Variants in ITPKB observed in about 807,000 individuals in gnomAD.
ITPKB encodes IP3 3-kinase B.
In ITPKB, 13 loss-of-function variants were observed where a neutral mutation model predicts 69.4. The ratio of observed to expected loss-of-function variants is 0.19; its 90% CI spans 0.12 to 0.30. The LOEUF (loss-of-function observed/expected upper bound fraction) is 0.30, where lower values mean the gene tolerates loss of function less well. Ranked by LOEUF, ITPKB falls within the 10% of genes least tolerant of loss-of-function variation. The pLI, the probability that ITPKB is intolerant of heterozygous loss-of-function variation, is 1.00. For missense variants in ITPKB, 1,240 were observed against 1,250.5 expected (o/e 0.99, Z 0.13); for synonymous variants, 584 against 513.7 (o/e 1.14, Z -1.85).
At chr1:226,636,755 T>TGTGA (rs1668846864) in intron 7 of ITPKB, among the ~76,000 whole-genome samples, 1 of 70,272 alleles carries the variant, frequency 1.4e-5, no homozygotes, top group South Asian at 8.6e-4. Flanking sequence ...TGCAGCTCTG[T>TGTGA]GTGTGTGTGT....
chr1:226,679,618 G>A (rs889360619), intron 2 of ITPKB, among the ~76,000 whole-genome samples: 1 of 152,166 alleles, frequency 6.6e-6, no homozygotes, highest in African/African-American at 2.4e-5. Flanking sequence ...GACGATAAAA[G>A]AAGGTTTTCC....
intron 2 of ITPKB, among the ~76,000 whole-genome samples, chr1:226,733,588 A>C (rs538456606): frequency 2.8e-4 from 42 of 151,692 alleles, no homozygotes; most frequent in South Asian, 1.3e-3. Context: ...ACACACACAC[A>C]CCCACCCCAC....
At chr1:226,675,569 T>A (rs1224375680) in intron 2 of ITPKB, among the ~76,000 whole-genome samples, 1 of 152,100 alleles carries the variant, frequency 6.6e-6, no homozygotes, top group Non-Finnish European at 1.5e-5. Flanking sequence ...CTGGGCCCAG[T>A]GAGGGTCAGA....
At chr1:226,705,529 CAAAA>C (rs11290798) in intron 2 of ITPKB, among the ~76,000 whole-genome samples, 1 of 120,518 alleles carries the variant, frequency 8.3e-6, no homozygotes, top group Non-Finnish European at 1.8e-5. Context: ...AACGCCATCT[CAAAA>C]AAAAAAAAAA....
intron 4 of ITPKB, among the ~76,000 whole-genome samples, chr1:226,645,617 G>A (rs545408731): frequency 1.3e-5 from 2 of 152,290 alleles, no homozygotes; most frequent in African/African-American, 4.8e-5. Context: ...GGTCACCTGC[G>A]AAGTCCTGCT....
intron 2 of ITPKB, among the ~76,000 whole-genome samples, chr1:226,658,728 T>A (rs1669345010): frequency 6.6e-6 from 1 of 152,144 alleles, no homozygotes; most frequent in African/African-American, 2.4e-5. Context: ...GGCACGAGGT[T>A]CTTCTCCCCC....
intron 2 of ITPKB, among the ~76,000 whole-genome samples, chr1:226,656,235 G>C (rs1389964552): frequency 1.3e-5 from 2 of 152,154 alleles, no homozygotes; most frequent in African/African-American, 4.8e-5. Flanking sequence ...GTTTACCCTG[G>C]TGGGCGCTCA....
intron 2 of ITPKB, among the ~76,000 whole-genome samples, chr1:226,703,633 C>T (rs1396534173): frequency 2.0e-5 from 3 of 152,228 alleles, no homozygotes; most frequent in African/African-American, 7.2e-5. Context: ...GGCGGCCGCC[C>T]CTGTCGCCTT....
Position 226,738,807 on chromosome 1 carries a change from G to T in ITPKB, c.-206+234C>A, listed in dbSNP as rs1374234690. On this transcript the variant is annotated intron_variant, in intron 1 of 7. Coordinates refer to ENST00000429204, the MANE Select transcript of ITPKB (RefSeq NM_002221.4). This position sits in a 1 kb window ranked among gnomAD's most constrained non-coding sequence, Gnocchi z 4.2. Reference sequence around the variant, plus strand: ...TGGAGCGCGCTGAGGGAGGCGGCGCGGAGTGAGCGGCCCGGAAGGCGGGTA... The same window carrying T: ...TGGAGCGCGCTGAGGGAGGCGGCGCTGAGTGAGCGGCCCGGAAGGCGGGTA... Among the ~76,000 whole-genome samples, 1 of 152,184 alleles carries T rather than the reference G, an allele frequency of 6.6e-6. No individual in the cohort carries two copies. The highest frequency in any genetic ancestry group is 1.5e-5 in the Non-Finnish European group (1 of 68,018).
chr1:226,671,150 C>T (rs543728858), intron 2 of ITPKB, among the ~76,000 whole-genome samples: 200 of 152,298 alleles, frequency 1.3e-3, no homozygotes, highest in African/African-American at 4.7e-3. Context: ...TTGACTGCTC[C>T]GTGAAGACCC....
intron 2 of ITPKB, among the ~76,000 whole-genome samples, chr1:226,703,606 C>T (rs975873565): frequency 1.3e-5 from 2 of 152,202 alleles, no homozygotes; most frequent in African/African-American, 4.8e-5. Flanking sequence ...GCGGCGGTGC[C>T]GGTCACGTGA....
rs578261335 is a variant in ITPKB, at chr1:226,645,605, G to A, written c.2246+1562C>T. Among the ~76,000 whole-genome samples, 4 of 152,318 alleles carry A rather than the reference G, an allele frequency of 2.6e-5. No individual in the cohort carries two copies. In the South Asian group the frequency reaches 6.2e-4, roughly 24 times the overall value. ...GGACACCACTTGGATTATTCTCCAT[G>A]TGGTCACCTGCGAAGTCCTGCTGCT... is the stretch of plus-strand genomic sequence containing the variant. On this transcript the variant is annotated intron_variant, in intron 4 of 7. Coordinates refer to ENST00000429204, the MANE Select transcript of ITPKB (RefSeq NM_002221.4).
chr1:226,730,300 G>T (rs1048726440), intron 2 of ITPKB, among the ~76,000 whole-genome samples: 1 of 152,168 alleles, frequency 6.6e-6, no homozygotes, highest in Non-Finnish European at 1.5e-5. Flanking sequence ...CACAGGAAGG[G>T]CAACCATCTT....
At chr1:226,693,135 C>T (rs1296936442) in intron 2 of ITPKB, among the ~76,000 whole-genome samples, 1 of 152,226 alleles carries the variant, frequency 6.6e-6, no homozygotes, top group African/African-American at 2.4e-5. Context: ...ATTACAAGAG[C>T]CACTTCTGGT....
intron 2 of ITPKB, among the ~76,000 whole-genome samples, chr1:226,655,807 A>G (rs940865870): frequency 6.6e-6 from 1 of 152,120 alleles, no homozygotes; most frequent in East Asian, 1.9e-4. Context: ...TCTCAGTGCA[A>G]TTTGGGGTGG....
rs2102734172 is a variant in ITPKB, at chr1:226,632,982, G to T, written c.*1689C>A. Reference sequence around the variant, plus strand: ...ACGCCCCCGTCCTGCCTGCCTTCCAGATCACATGCTGCCACGAGGTCTCTC... The same window carrying T: ...ACGCCCCCGTCCTGCCTGCCTTCCATATCACATGCTGCCACGAGGTCTCTC... On this transcript the variant is annotated 3_prime_UTR_variant, in exon 8 of 8. Transcript: ENST00000429204. 1 of 152,368 alleles carries T rather than the reference G, an allele frequency of 6.6e-6. No homozygotes were observed. The highest frequency in any genetic ancestry group is 1.9e-4 in the East Asian group (1 of 5,180). 9.4% of individuals were successfully genotyped at this position (152,368 alleles called of 1,614,324 possible).
intron 2 of ITPKB, among the ~76,000 whole-genome samples, chr1:226,697,069 T>C (rs1656506992): frequency 1.3e-5 from 2 of 152,186 alleles, no homozygotes; most frequent in Non-Finnish European, 2.9e-5. Flanking sequence ...TCATGTTAAT[T>C]TGGAGGTATT....
At chr1:226,678,464 TTAGTC>T (rs1655967821) in intron 2 of ITPKB, among the ~76,000 whole-genome samples, 1 of 152,206 alleles carries the variant, frequency 6.6e-6, no homozygotes, top group Non-Finnish European at 1.5e-5. Flanking sequence ...AGCAGGCTGA[TTAGTC>T]TAGTCTAGTG....
In ITPKB at chr1:226,633,863, C is replaced by T. The variant is rs1284354326; in HGVS notation, c.*808G>A. The T allele has an allele frequency of 6.6e-6, 1 of 152,288 alleles. No individual in the cohort carries two copies. The highest frequency in any genetic ancestry group is 1.9e-4 in the East Asian group (1 of 5,200). The allele number at this position is 152,288 out of a possible 1,614,324, so 9.4% of individuals were successfully genotyped here. A position where few individuals can be genotyped will look rare whatever the true frequency, so the allele number is the denominator to read the frequency against. On this transcript the variant is annotated 3_prime_UTR_variant, in exon 8 of 8. Coordinates refer to ENST00000429204, the MANE Select transcript of ITPKB (RefSeq NM_002221.4). ...GGCCCAGAGACTCTATAGATCCCAT[C>T]TTCCCCTGGTAGCACCCTTGGAGCT...
Sources: allele counts gnomAD v4.1 joint callset (sites outside exome capture counted in the v4.1 genomes callset), GRCh38; gene constraint gnomAD v4.1.1; non-coding constraint Gnocchi (gnomAD v3.1); transcripts MANE v1.5; gene names NCBI Gene and HGNC (gene_info 2026-07-23, HGNC 2026-07-21).